The following NAT1 variants were observed in gnomAD, a reference collection of about 807,000 sequenced individuals.
NAT1 encodes the protein arylamine N-acetyltransferase 1.
For synonymous variants in NAT1, 144 were observed against 122.6 expected, an observed-to-expected ratio of 1.17 and a Z score of -1.16; for missense variants, 400 against 339.2, an observed-to-expected ratio of 1.18 and a Z score of -1.41.
At position 18,181,666 on chromosome 8, in the gene NAT1, G is replaced by A. The variant is rs1208397535; in HGVS notation, n.92+10927G>A. On this transcript the variant is annotated intron_variant and non_coding_transcript_variant, in intron 2 of 4. Transcript: ENST00000517441. ...TACTTGTCTTGTTCCAGATCTTAGG[G>A]CATAGGCTTTAATTTTTCTCCATTT... Among the ~76,000 whole-genome samples, 4 of 152,146 alleles carry A rather than the reference G, an allele frequency of 2.6e-5. No individual in the cohort carries two copies. The East Asian group carries it at 7.7e-4, about 29-fold the overall frequency.
intron 1 of NAT1, among the ~76,000 whole-genome samples, chr8:18,213,176 C>T (rs1490845422): frequency 2.6e-5 from 4 of 151,620 alleles, no homozygotes; most frequent in African/African-American, 7.3e-5. Context: ...CCTCCCAAAG[C>T]GCTGGGATGA....
intron 2 of NAT1, among the ~76,000 whole-genome samples, chr8:18,203,325 T>TA (rs1452177764): frequency 2.6e-5 from 4 of 152,196 alleles, no homozygotes; most frequent in East Asian, 3.8e-4. Flanking sequence ...TTTGGGCAAA[T>TA]AAAACTAGTT....
At chr8:18,177,119 T>C (rs1339253947) in intron 2 of NAT1, among the ~76,000 whole-genome samples, 2 of 152,060 alleles carry the variant, frequency 1.3e-5, no homozygotes, top group African/African-American at 2.4e-5. Flanking sequence ...GTGAAATCTT[T>C]AGGGTTTTGT....
rs758659369 is a variant in NAT1 at position 18,222,275 on chromosome 8, C to G, written c.228C>G (p.Tyr76Ter). Residue 76 changes from tyrosine (Y) to a stop codon, truncating the protein, a stop_gained, in exon 3 of 3, where the codon TAC becomes TAG. Coordinates refer to ENST00000307719, the MANE Select transcript of NAT1 (RefSeq NM_000662.8). LOFTEE classifies it low-confidence loss of function (END_TRUNC). ...GTCTCCAGGTCAATCATCTTCTGTA[C>G]TGGGCTCTGACCACTATTGGTTTTG... The part of the protein sequence containing the change: ...GWCLQVNHLL[Y>*]WALTTIGFET... 1 of 1,614,136 alleles carries G rather than the reference C, an allele frequency of 6.2e-7. No individual in the cohort carries two copies. The highest frequency in any genetic ancestry group is 1.3e-5 in the African/African-American group (1 of 75,050).
chr8:18,217,499 A>G (rs2117392483), intron 1 of NAT1, among the ~76,000 whole-genome samples: 1 of 152,316 alleles, frequency 6.6e-6, no homozygotes, highest in East Asian at 1.9e-4. Context: ...AGCCCTGGGG[A>G]AAAATTAAAT....
intron 1 of NAT1, among the ~76,000 whole-genome samples, chr8:18,217,737 G>T (rs375807993): frequency 6.6e-6 from 1 of 152,116 alleles, no homozygotes. Context: ...GGGACTACTG[G>T]GTGCCTGGGT....
chr8:18,194,492 T>C (rs572651610), intron 2 of NAT1, among the ~76,000 whole-genome samples: 61 of 152,226 alleles, frequency 4.0e-4, no homozygotes, highest in African/African-American at 1.4e-3. Context: ...TTAATGGCCC[T>C]GTAGACACAA....
rs766387901 is a variant in NAT1, at chr8:18,210,143, A to T, written c.-123A>T. The T allele has an allele frequency of 6.6e-6, 1 of 152,230 alleles. No individual in the cohort carries two copies. Among genetic ancestry groups the T allele is most frequent in the East Asian group, 1.9e-4 (1 of 5,190 alleles). 9.4% of individuals were successfully genotyped at this position (152,230 alleles called of 1,614,324 possible). A position where few individuals can be genotyped will look rare whatever the true frequency, so the allele number is the denominator to read the frequency against. On this transcript the variant is annotated 5_prime_UTR_variant, in exon 1 of 3. Coordinates refer to ENST00000307719, the MANE Select transcript of NAT1 (RefSeq NM_000662.8). ...TAGACCTTGGATGTGGGAGGATTGC[A>T]TTCAGTCTAGTTCCTGGTTGCCGGC...
chr8:18,220,526 C>A (rs753023057), intron 2 of NAT1, among the ~76,000 whole-genome samples: 1 of 152,028 alleles, frequency 6.6e-6, no homozygotes, highest in Non-Finnish European at 1.5e-5. Context: ...TTTAAAAAAC[C>A]TTTTCTAAAA....
At chr8:18,212,158 A>G (rs1282570837) in intron 1 of NAT1, 5 of 152,222 alleles carry the variant, frequency 3.3e-5, no homozygotes, top group African/African-American at 7.2e-5. Context: ...GAATTGAACA[A>G]TGAGTTCTGC....
chr8:18,193,500 A>G (rs1362372578), intron 2 of NAT1, among the ~76,000 whole-genome samples: 1 of 131,196 alleles, frequency 7.6e-6, no homozygotes, highest in Non-Finnish European at 1.5e-5. Flanking sequence ...TGATATATAT[A>G]TATATAATAT....
intron 2 of NAT1, among the ~76,000 whole-genome samples, chr8:18,180,299 C>T (rs1452059090): frequency 5.3e-5 from 8 of 152,030 alleles, no homozygotes; most frequent in Non-Finnish European, 1.0e-4. Flanking sequence ...TGAATTTTGT[C>T]AAGGGGGATG....
In NAT1 at chr8:18,218,955, G is replaced by A. The variant is rs376976548; in HGVS notation, c.-85-456G>A. Among the ~76,000 whole-genome samples, 3 of 152,232 alleles carry A rather than the reference G, an allele frequency of 2.0e-5. No individual in the cohort carries two copies. In the East Asian group the frequency reaches 5.8e-4, roughly 29 times the overall value. The stretch of plus-strand genomic sequence containing the variant: ...TCTTTTGAGTAGCATCATACATTAA[G>A]GGCCTTACCTTGTTTATCTGCCTCA... On this transcript the variant is annotated intron_variant, in intron 1 of 2. Transcript: ENST00000307719.
At chr8:18,205,898 G>A (rs533739299), upstream of NAT1, among the ~76,000 whole-genome samples, 4 of 152,288 alleles carry the variant, frequency 2.6e-5, no homozygotes, top group East Asian at 1.9e-4. Context: ...TGCTCAGGTT[G>A]GACTGGCCCT....
At chr8:18,215,655 G>T (rs1007481445) in intron 1 of NAT1, among the ~76,000 whole-genome samples, 5 of 151,230 alleles carry the variant, frequency 3.3e-5, no homozygotes, top group African/African-American at 1.2e-4. Flanking sequence ...TTCTTGAATT[G>T]GTTGTGGTTT....
intron 1 of NAT1, 102 bp downstream of exon 1, chr8:18,210,282 A>T (rs2117326519): frequency 6.6e-6 from 1 of 152,284 alleles, no homozygotes; most frequent in East Asian, 1.9e-4. Flanking sequence ...TTTCAAGTAT[A>T]AGGTTGCTCA....
chr8:18,184,046 T>TG (rs981575988), intron 2 of NAT1, among the ~76,000 whole-genome samples: 23 of 151,894 alleles, frequency 1.5e-4, no homozygotes, highest in East Asian at 5.8e-4. Context: ...GGCGGGGTGG[T>TG]GGGGGGGTCC....
chr8:18,213,368 A>G (rs1589109762), intron 1 of NAT1, among the ~76,000 whole-genome samples: 1 of 152,224 alleles, frequency 6.6e-6, no homozygotes, highest in East Asian at 1.9e-4. Flanking sequence ...TTGCCTTAAC[A>G]TTTCAATAAT....
At chr8:18,198,295 G>A (rs1175866124) in intron 2 of NAT1, among the ~76,000 whole-genome samples, 1 of 152,154 alleles carries the variant, frequency 6.6e-6, no homozygotes, top group Non-Finnish European at 1.5e-5. Context: ...TTATGAGAGA[G>A]GATGATCATT....
Sources: allele counts gnomAD v4.1 joint callset (sites outside exome capture counted in the v4.1 genomes callset), GRCh38; gene constraint gnomAD v4.1.1; transcripts MANE v1.5; gene names NCBI Gene and HGNC (gene_info 2026-07-23, HGNC 2026-07-21).